Variants in CHRM3 observed in about 807,000 individuals in gnomAD.
CHRM3 encodes cholinergic receptor muscarinic 3, also known as muscarinic acetylcholine receptor M3.
A neutral mutation model predicts 41.8 loss-of-function variants in CHRM3; 11 were observed. The observed-to-expected ratio is 0.26, with a 90% CI of 0.17 to 0.44. The LOEUF (loss-of-function observed/expected upper bound fraction) is 0.44, where lower values mean the gene tolerates loss of function less well. CHRM3 is among the 20% of genes least tolerant of loss of function. CHRM3 has a pLI of 1.00. For synonymous variants in CHRM3, 297 were observed against 301.4 expected, an observed-to-expected ratio of 0.99 and a Z score of 0.15; for missense variants, 571 against 745.4, an observed-to-expected ratio of 0.77 and a Z score of 2.72.
chr1:239,583,178 A>C (rs1663066258), intron 3 of CHRM3, among the ~76,000 whole-genome samples: 1 of 152,204 alleles, frequency 6.6e-6, no homozygotes, highest in African/African-American at 2.4e-5. Flanking sequence ...CTGTGTGGGC[A>C]GGTCACATGT....
At chr1:239,408,413 G>T (rs1235623597) in intron 1 of CHRM3, among the ~76,000 whole-genome samples, 1 of 151,484 alleles carries the variant, frequency 6.6e-6, no homozygotes, top group Non-Finnish European at 1.5e-5. Flanking sequence ...AGTCCCAGCT[G>T]CTGGGAAGGC....
At chr1:239,897,166 C>T (rs74149271) in intron 6 of CHRM3, among the ~76,000 whole-genome samples, 2,429 of 152,306 alleles carry the variant, frequency 0.016, 73 homozygotes, top group African/African-American at 0.055. Flanking sequence ...GCGCGCCTCC[C>T]ACATTGCTTC....
rs373741177 is a variant in CHRM3 at position 239,710,560 on chromosome 1, A to G, written c.-147+32272A>G. ...GAGGGTATGAGGAGATGAGGAGGGG[A>G]CCTGTGGTTCACTTTAGATACAAGC... On this transcript the variant is annotated intron_variant, in intron 5 of 6. Transcript: ENST00000676153. Among the ~76,000 whole-genome samples, 3 of 152,058 alleles carry G rather than the reference A, an allele frequency of 2.0e-5. No individual in the cohort carries two copies. The East Asian group carries it at 5.8e-4, about 29-fold the overall frequency.
chr1:239,778,127 A>G (rs1042509440), intron 5 of CHRM3, among the ~76,000 whole-genome samples: 1 of 152,206 alleles, frequency 6.6e-6, no homozygotes, highest in Non-Finnish European at 1.5e-5. Flanking sequence ...TTAAAAAGAA[A>G]AGAAACAGTG....
At chr1:239,648,158 G>T (rs1379499894) in intron 4 of CHRM3, among the ~76,000 whole-genome samples, 2 of 151,918 alleles carry the variant, frequency 1.3e-5, no homozygotes, top group East Asian at 3.9e-4. Context: ...TTCTCTAGGG[G>T]GCCGCTCTGC....
At chr1:239,822,615 G>A (rs1174697348) in intron 5 of CHRM3, among the ~76,000 whole-genome samples, 1 of 152,146 alleles carries the variant, frequency 6.6e-6, no homozygotes, top group Non-Finnish European at 1.5e-5. Context: ...CTCAATCCAG[G>A]AAGTAAGTTT....
chr1:239,400,899 C>G (rs201182702), intron 1 of CHRM3, among the ~76,000 whole-genome samples: 2 of 152,166 alleles, frequency 1.3e-5, no homozygotes, highest in East Asian at 3.9e-4. Context: ...TAAAAGGAAA[C>G]TGAAACATAC....
intron 1 of CHRM3, among the ~76,000 whole-genome samples, chr1:239,468,493 G>T (rs536696344): frequency 6.6e-6 from 1 of 152,124 alleles, no homozygotes; most frequent in Non-Finnish European, 1.5e-5. Flanking sequence ...GCAAAATGAA[G>T]GTGATGGTTG....
chr1:239,397,322 T>C (rs1012253829), intron 1 of CHRM3, among the ~76,000 whole-genome samples: 2 of 152,114 alleles, frequency 1.3e-5, no homozygotes, highest in African/African-American at 2.4e-5. Context: ...AACACACATA[T>C]GTATAGGTAT....
chr1:239,501,680 C>T (rs1292982765), intron 2 of CHRM3, among the ~76,000 whole-genome samples: 1 of 152,008 alleles, frequency 6.6e-6, no homozygotes, highest in African/African-American at 2.4e-5. Flanking sequence ...ACAGTGAAAC[C>T]CTGTCTCTAC....
chr1:239,828,231 CAT>C (rs1435936756), intron 6 of CHRM3, among the ~76,000 whole-genome samples: 60 of 152,094 alleles, frequency 3.9e-4, no homozygotes, highest in Non-Finnish European at 5.9e-5. Flanking sequence ...CATAGACACA[CAT>C]AGTTACACAC....
Position 239,589,533 on chromosome 1 carries a change from T to A in CHRM3, c.-312-42691T>A, listed in dbSNP as rs920235316. On this transcript the variant is annotated intron_variant, in intron 3 of 6. Transcript: ENST00000676153. ...CATATGTATAAAACTATATATATAG[T>A]TTTATGTAATTTCCATGCATTAATA... Among the ~76,000 whole-genome samples, 5 of 148,848 alleles carry A rather than the reference T, an allele frequency of 3.4e-5. No individual in the cohort carries two copies. In the South Asian group the frequency reaches 1.1e-3, roughly 32 times the overall value.
At chr1:239,787,683 T>A (rs1460578585) in intron 5 of CHRM3, among the ~76,000 whole-genome samples, 1 of 152,120 alleles carries the variant, frequency 6.6e-6, no homozygotes, top group Non-Finnish European at 1.5e-5. Context: ...TACCTCACAC[T>A]CCTCTGTTAA....
At chr1:239,760,135 C>T (rs1666627036) in intron 5 of CHRM3, among the ~76,000 whole-genome samples, 1 of 151,364 alleles carries the variant, frequency 6.6e-6, no homozygotes, top group East Asian at 2.0e-4. Flanking sequence ...CCGTGTTAGC[C>T]AGGATGGTCT....
chr1:239,889,965 A>G (rs1175406134), intron 6 of CHRM3, among the ~76,000 whole-genome samples: 6 of 152,186 alleles, frequency 3.9e-5, no homozygotes, highest in Non-Finnish European at 8.8e-5. Context: ...GTATGAACAT[A>G]ACAATAATCA....
chr1:239,513,729 G>A (rs775473434), intron 2 of CHRM3, among the ~76,000 whole-genome samples: 4 of 152,098 alleles, frequency 2.6e-5, no homozygotes, highest in South Asian at 2.1e-4. Flanking sequence ...GAGTTTCTCC[G>A]TTGTTATCTT....
At position 239,902,586 on chromosome 1, in the gene CHRM3, A is replaced by G. The variant is rs529243018; in HGVS notation, c.-19-4847A>G. On this transcript the variant is annotated intron_variant, in intron 6 of 6. Transcript: ENST00000676153. Reference sequence around the variant, plus strand: ...TAAACATTTCTGTCTTCGTAGCTAGAAGTCACAGTGGGTTTTAGTAGTGTG... The same window carrying G: ...TAAACATTTCTGTCTTCGTAGCTAGGAGTCACAGTGGGTTTTAGTAGTGTG... Among the ~76,000 whole-genome samples the G allele has an allele frequency of 5.9e-4, 90 of 152,270 alleles. 1 individual carries two copies. Among genetic ancestry groups the G allele is most frequent in the African/African-American group, 2.1e-3 (88 of 41,556 alleles).
At chr1:239,561,003 C>T (rs1660804048) in intron 3 of CHRM3, among the ~76,000 whole-genome samples, 1 of 152,098 alleles carries the variant, frequency 6.6e-6, no homozygotes, top group South Asian at 2.1e-4. Context: ...CATTCAGTTC[C>T]TTAGTCGGTT....
chr1:239,888,239 C>T (rs1186733895), intron 6 of CHRM3, among the ~76,000 whole-genome samples: 2 of 151,970 alleles, frequency 1.3e-5, no homozygotes, highest in African/African-American at 4.8e-5. Context: ...TGGTGGTGCA[C>T]ACCTGTAGAT....
Sources: allele counts gnomAD v4.1 joint callset (sites outside exome capture counted in the v4.1 genomes callset), GRCh38; gene constraint gnomAD v4.1.1; transcripts MANE v1.5; gene names NCBI Gene and HGNC (gene_info 2026-07-23, HGNC 2026-07-21).